LRP6: variants seen among roughly 807,000 people sequenced by gnomAD.
LRP6 encodes the protein low-density lipoprotein receptor-related protein 6.
In LRP6, 43 loss-of-function variants were observed where a neutral mutation model predicts 184.1. That is an observed-to-expected ratio of 0.23 (90% CI 0.18 to 0.30). The LOEUF (loss-of-function observed/expected upper bound fraction) is 0.30. Ranked by LOEUF, LRP6 falls within the 10% of genes least tolerant of loss-of-function variation. The probability of loss-of-function intolerance (pLI) is 1.00; values close to 1 mark genes in which losing one functional copy is unlikely to be tolerated. For missense variants in LRP6, 1,571 were observed against 2,005.3 expected (o/e 0.78, Z 4.14); for synonymous variants, 719 against 684.9 (o/e 1.05, Z -0.78).
chr12:12,235,191 G>A (rs1460461449), intron 2 of LRP6, among the ~76,000 whole-genome samples: 2 of 152,108 alleles, frequency 1.3e-5, no homozygotes, highest in Non-Finnish European at 2.9e-5. Flanking sequence ...ACTAAGATGG[G>A]CAAATAAGAA....
intron 12 of LRP6, among the ~76,000 whole-genome samples, chr12:12,154,921 C>T (rs979236031): frequency 3.9e-5 from 6 of 152,154 alleles, no homozygotes; most frequent in East Asian, 3.8e-4. Context: ...TTAGGCCAGG[C>T]GTAGTGGCTC....
At chr12:12,129,698 G>T (rs533663237) in intron 19 of LRP6, among the ~76,000 whole-genome samples, 14 of 151,904 alleles carry the variant, frequency 9.2e-5, no homozygotes, top group Non-Finnish European at 1.8e-4. Flanking sequence ...GATTACAGGT[G>T]CCCGCCACCA....
At chr12:12,123,977 A>C (rs1949637571) in intron 22 of LRP6, among the ~76,000 whole-genome samples, 1 of 152,190 alleles carries the variant, frequency 6.6e-6, no homozygotes, top group Non-Finnish European at 1.5e-5. Context: ...AACTATTTTG[A>C]AACCAGTCAC....
At chr12:12,225,871 C>CAA (rs748835751) in intron 2 of LRP6, among the ~76,000 whole-genome samples, 46 of 117,136 alleles carry the variant, frequency 3.9e-4, no homozygotes, top group African/African-American at 9.5e-4. Flanking sequence ...GACTGTGTCT[C>CAA]AAAAAAAAAA....
At chr12:12,192,013 T>C (rs764171774) in intron 3 of LRP6, among the ~76,000 whole-genome samples, 11 of 152,038 alleles carry the variant, frequency 7.2e-5, no homozygotes, top group Admixed American at 1.3e-4. Flanking sequence ...TGCAGGTTAA[T>C]AAAAAAGACT....
intron 1 of LRP6, among the ~76,000 whole-genome samples, chr12:12,261,351 T>A (rs574847609): frequency 6.8e-6 from 1 of 146,942 alleles, no homozygotes; most frequent in African/African-American, 2.5e-5. Flanking sequence ...TGTAGTGAGC[T>A]GAGATCACGC....
At chr12:12,152,145 T>C (rs1277080531) in intron 12 of LRP6, among the ~76,000 whole-genome samples, 1 of 152,110 alleles carries the variant, frequency 6.6e-6, no homozygotes, top group Non-Finnish European at 1.5e-5. Context: ...TAATAGTGAA[T>C]AAGTCTCATG....
intron 2 of LRP6, among the ~76,000 whole-genome samples, chr12:12,209,587 T>C (rs770489287): frequency 6.6e-5 from 10 of 152,346 alleles, no homozygotes; most frequent in Middle Eastern, 3.4e-3. Flanking sequence ...AGATTTCATC[T>C]ATAAATACTA....
intron 19 of LRP6, among the ~76,000 whole-genome samples, chr12:12,128,714 C>G (rs1949707157): frequency 6.6e-6 from 1 of 152,192 alleles, no homozygotes; most frequent in Admixed American, 6.5e-5. Context: ...AATTAAACAT[C>G]ACATCAATCA....
chr12:12,241,925 A>G (rs1054059909), intron 2 of LRP6, among the ~76,000 whole-genome samples: 2 of 152,216 alleles, frequency 1.3e-5, no homozygotes, highest in Non-Finnish European at 2.9e-5. Flanking sequence ...ACTCTAAAGT[A>G]TTTTTTAATC....
Position 12,181,257 on chromosome 12 carries a change from A to G in LRP6, c.1159T>C (p.Ser387Pro), listed in dbSNP as rs1296331853. Residue 387 changes from serine (S) to proline (P), a missense_variant, in exon 6 of 23, where the codon TCA (serine) becomes CCA (proline). Transcript: ENST00000261349. ...TDDEVRAIRR[S>P]FIDGSGSQFV... ...TGACTGCCAGATCCATCTATAAATG[A>G]ACGGCGTATGGCCCTCACTTCATCA... 1 of 1,614,164 alleles carries G rather than the reference A, an allele frequency of 6.2e-7. No individual in the cohort carries two copies. Among genetic ancestry groups the G allele is most frequent in the East Asian group, 2.2e-5 (1 of 44,882 alleles).
At position 12,162,243 on chromosome 12, in the gene LRP6, C is replaced by T. The variant is rs764532350; in HGVS notation, c.2229G>A (p.Val743=). 1.2e-6 allele frequency: 2 copies of T among 1,614,212 alleles called. No homozygotes were observed. ...CTCTGGGACTATCTAGGTCTTTCCACACCAAAACTTGTCGGTGCTGCCCAT... is the reference window on the plus strand; with the variant it reads ...CTCTGGGACTATCTAGGTCTTTCCATACCAAAACTTGTCGGTGCTGCCCAT... ...KLDGQHRQVL[V]WKDLDSPRAL... The change falls in exon 10 of 23, where the codon GTG becomes GTA. Residue 743 remains valine (V), a synonymous_variant. Transcript: ENST00000261349.
chr12:12,174,050 G>A (rs1863112296), intron 7 of LRP6, among the ~76,000 whole-genome samples: 1 of 152,028 alleles, frequency 6.6e-6, no homozygotes, highest in Non-Finnish European at 1.5e-5. Flanking sequence ...TAGCACAAAT[G>A]GGCAAATATT....
chr12:12,123,158 C>A (rs115252422), intron 22 of LRP6, among the ~76,000 whole-genome samples: 1 of 152,036 alleles, frequency 6.6e-6, no homozygotes, highest in East Asian at 1.9e-4. Context: ...TGGGCTTATA[C>A]GGAAAATAGT....
chr12:12,210,344 A>G (rs145341879), intron 2 of LRP6, among the ~76,000 whole-genome samples: 1 of 152,334 alleles, frequency 6.6e-6, no homozygotes, highest in Non-Finnish European at 1.5e-5. Flanking sequence ...GTCATTCAAC[A>G]TAATATGGAA....
At chr12:12,155,584 A>G (rs1950141013) in intron 12 of LRP6, 2 of 747,816 alleles carry the variant, frequency 2.7e-6, no homozygotes, top group East Asian at 2.6e-5. Context: ...TCCTAAAGGA[A>G]GCTATCAGAA....
Position 12,116,336 on chromosome 12 carries a change from G to C in LRP6, c.*4790C>G, listed in dbSNP as rs1224850840. 6.6e-6 allele frequency: 1 copy of C among 152,164 alleles called. No homozygotes were observed. Among genetic ancestry groups the C allele is most frequent in the Non-Finnish European group, 1.5e-5 (1 of 68,032 alleles). The allele number at this position is 152,164 out of a possible 1,614,324, so 9.4% of individuals were successfully genotyped here. On this transcript the variant is annotated 3_prime_UTR_variant, in exon 23 of 23. Coordinates refer to ENST00000261349, the MANE Select transcript of LRP6 (RefSeq NM_002336.3). ...AAAAATAAAAGATAAACATCTGAAA[G>C]CAGCACCAGATCCTTCACTTGCAAA...
rs1175191544 is a variant in LRP6, at chr12:12,180,901, C to T, written c.1373+142G>A. On this transcript the variant is annotated intron_variant, in intron 6 of 22. Coordinates refer to ENST00000261349, the MANE Select transcript of LRP6 (RefSeq NM_002336.3). The stretch of plus-strand genomic sequence containing the variant: ...TTTAAACTTGAGATTGTATTCTAAT[C>T]ACCATATCCTAAAATAGACAGCCAT... 3 of 845,028 alleles carry T rather than the reference C, an allele frequency of 3.6e-6. No individual in the cohort carries two copies. In the African/African-American group the frequency reaches 5.1e-5, roughly 14 times the overall value. The allele number at this position is 845,028 out of a possible 1,614,324, so 52.3% of individuals were successfully genotyped here.
At chr12:12,124,945 G>A (rs2136840573) in intron 21 of LRP6, among the ~76,000 whole-genome samples, 1 of 152,272 alleles carries the variant, frequency 6.6e-6, no homozygotes, top group East Asian at 1.9e-4. Flanking sequence ...AAAATAGTAA[G>A]TATTTAGAGA....
Sources: gnomAD v4.1 joint callset for allele counts (sites outside exome capture counted in the v4.1 genomes callset) on GRCh38, gnomAD v4.1.1 for gene constraint, MANE v1.5 for transcripts, NCBI Gene and HGNC (gene_info 2026-07-23, HGNC 2026-07-21) for gene names.